The following SGCD variants were observed in gnomAD, a reference collection of about 807,000 sequenced individuals.
SGCD encodes sarcoglycan delta, also known as delta-sarcoglycan.
In SGCD, 18 loss-of-function variants were observed where a neutral mutation model predicts 36.6. The ratio of observed to expected loss-of-function variants is 0.49; its 90% CI spans 0.34 to 0.73. The LOEUF (loss-of-function observed/expected upper bound fraction) is 0.73, where lower values mean the gene tolerates loss of function less well. Ranked by LOEUF, SGCD falls within the 30% of genes least tolerant of loss-of-function variation. The pLI is 0.01. For synonymous variants in SGCD, 133 were observed against 130.6 expected (o/e 1.02, Z -0.12); for missense variants, 387 against 346.7 (o/e 1.12, Z -0.92).
At chr5:156,201,333 T>C (rs749419854) in intron 3 of SGCD, among the ~76,000 whole-genome samples, 58 of 152,314 alleles carry the variant, frequency 3.8e-4, no homozygotes, top group Non-Finnish European at 7.6e-4. Flanking sequence ...ACAGTATGTT[T>C]GATATTTTGA....
chr5:155,920,056 C>T (rs952415309), intron 1 of SGCD, among the ~76,000 whole-genome samples: 1 of 152,080 alleles, frequency 6.6e-6, no homozygotes, highest in African/African-American at 2.4e-5. Context: ...ACCCTAGATG[C>T]GATTATTCTT....
At position 155,891,558 on chromosome 5, in the gene SGCD, C is replaced by CTTTTTTTTTTTTTTTTTTTTTTTTTTT. The variant is rs372399423; in HGVS notation, c.-282+21153_-282+21154insTTTTTTTTTTTTTTTTTTTTTTTTTTT. On this transcript the variant is annotated intron_variant, in intron 1 of 9. Transcript: ENST00000517913. ...CAAATTCCAGAGAAAAATAAATACT[C>CTTTTTTTTTTTTTTTTTTTTTTTTTTT]TTTTTTTTTTTTTTTTTTTGGTGAC... Among the ~76,000 whole-genome samples the CTTTTTTTTTTTTTTTTTTTTTTTTTTT allele has an allele frequency of 3.0e-4, 18 of 60,774 alleles. 1 individual carries two copies. Among genetic ancestry groups the CTTTTTTTTTTTTTTTTTTTTTTTTTTT allele is most frequent in the South Asian group, 6.6e-4 (1 of 1,520 alleles). The allele number at this position is 60,774 out of a possible 152,430, so 39.9% of individuals were successfully genotyped here.
intron 3 of SGCD, among the ~76,000 whole-genome samples, chr5:156,319,258 G>A (rs1283565468): frequency 6.6e-6 from 1 of 152,130 alleles, no homozygotes; most frequent in Non-Finnish European, 1.5e-5. Context: ...AAGCCTTGGG[G>A]AAAATCCCTT....
At chr5:155,965,955 T>C (rs1757893853) in intron 1 of SGCD, among the ~76,000 whole-genome samples, 1 of 152,116 alleles carries the variant, frequency 6.6e-6, no homozygotes, top group Non-Finnish European at 1.5e-5. Context: ...ATATGGGTTG[T>C]AGGACTTGAG....
At chr5:156,635,307 G>C (rs988769078) in intron 6 of SGCD, among the ~76,000 whole-genome samples, 5 of 152,166 alleles carry the variant, frequency 3.3e-5, no homozygotes, top group Non-Finnish European at 7.4e-5. Context: ...CTGGCCATCA[G>C]AGAAATGCAA....
chr5:156,156,827 G>A (rs1308344916), intron 3 of SGCD, among the ~76,000 whole-genome samples: 1 of 151,466 alleles, frequency 6.6e-6, no homozygotes, highest in East Asian at 1.9e-4. Flanking sequence ...AAATTCTAGT[G>A]TAGGCATTCT....
chr5:156,117,643 G>A (rs562017586), intron 1 of SGCD, among the ~76,000 whole-genome samples: 2 of 152,208 alleles, frequency 1.3e-5, no homozygotes, highest in African/African-American at 4.8e-5. Context: ...AGAACTCTTT[G>A]AGATAGATAT....
chr5:156,467,040 A>C (rs1233821843), intron 3 of SGCD, among the ~76,000 whole-genome samples: 2 of 152,116 alleles, frequency 1.3e-5, no homozygotes, highest in African/African-American at 4.8e-5. Flanking sequence ...TAGGCTTTGC[A>C]GGCCAGATGG....
At chr5:156,474,012 G>T (rs1444981415) in intron 3 of SGCD, among the ~76,000 whole-genome samples, 3 of 151,156 alleles carry the variant, frequency 2.0e-5, no homozygotes, top group Admixed American at 6.6e-5. Flanking sequence ...TTTCAGGAAA[G>T]GATCCTAAAT....
rs147521804 is a variant in SGCD, at chr5:156,496,945, C to A, written c.193-11656C>A. On this transcript the variant is annotated intron_variant, in intron 3 of 8. Coordinates refer to ENST00000337851, the MANE Select transcript of SGCD (RefSeq NM_000337.6). ...GTGTTGTCTGTTACTGTAGTATATC[C>A]CAACTTCTTTTGACTGAGCAGCATG... Among the ~76,000 whole-genome samples the A allele has an allele frequency of 9.2e-5, 14 of 152,196 alleles. No homozygotes were observed. In the East Asian group the frequency reaches 2.5e-3, roughly 27 times the overall value.
chr5:156,074,880 G>A (rs758994977), intron 1 of SGCD, among the ~76,000 whole-genome samples: 9 of 152,122 alleles, frequency 5.9e-5, no homozygotes, highest in Non-Finnish European at 1.3e-4. Flanking sequence ...TATTCATGAA[G>A]AAATAGGTCA....
intron 3 of SGCD, among the ~76,000 whole-genome samples, chr5:156,278,374 A>G (rs767062974): frequency 6.6e-6 from 1 of 152,192 alleles, no homozygotes; most frequent in Non-Finnish European, 1.5e-5. Context: ...TCTTGCCTGC[A>G]CTGATTGAAG....
chr5:156,323,951 G>A (rs1194442986), upstream of SGCD, among the ~76,000 whole-genome samples: 1 of 152,202 alleles, frequency 6.6e-6, no homozygotes, highest in East Asian at 1.9e-4. Context: ...TGTGTGCCAT[G>A]CATTTCGCTA....
intron 1 of SGCD, among the ~76,000 whole-genome samples, chr5:156,031,342 C>A (rs1394977885): frequency 1.3e-5 from 2 of 152,092 alleles, no homozygotes; most frequent in African/African-American, 4.8e-5. Context: ...GGCCTAGAAA[C>A]CCTTTGGAAT....
chr5:155,986,506 G>A (rs1280279739), intron 1 of SGCD, among the ~76,000 whole-genome samples: 1 of 152,260 alleles, frequency 6.6e-6, no homozygotes, highest in Admixed American at 6.5e-5. Context: ...ATGGCATCAG[G>A]CTCCTCAGAG....
At chr5:155,899,705 C>T (rs1181906676) in intron 1 of SGCD, among the ~76,000 whole-genome samples, 2 of 152,046 alleles carry the variant, frequency 1.3e-5, no homozygotes, top group Non-Finnish European at 2.9e-5. Context: ...TTATGATTTG[C>T]TTTATGGAGG....
At chr5:156,675,936 A>G (rs749699339) in intron 7 of SGCD, among the ~76,000 whole-genome samples, 2 of 152,190 alleles carry the variant, frequency 1.3e-5, no homozygotes, top group Non-Finnish European at 2.9e-5. Flanking sequence ...CAGACCAAGC[A>G]GAAAATCTCA....
chr5:156,400,749 T>C (rs1486490349), intron 3 of SGCD, among the ~76,000 whole-genome samples: 1 of 152,242 alleles, frequency 6.6e-6, no homozygotes, highest in Non-Finnish European at 1.5e-5. Context: ...TTTTTACTTC[T>C]TGGACTCTCC....
At chr5:156,206,591 G>A (rs1764283969) in intron 3 of SGCD, among the ~76,000 whole-genome samples, 1 of 152,016 alleles carries the variant, frequency 6.6e-6, no homozygotes, top group African/African-American at 2.4e-5. Context: ...ATTAATACAA[G>A]ACCAGTGTGG....
Sources: gnomAD v4.1 joint callset for allele counts (sites outside exome capture counted in the v4.1 genomes callset) on GRCh38, gnomAD v4.1.1 for gene constraint, MANE v1.5 for transcripts, NCBI Gene and HGNC (gene_info 2026-07-23, HGNC 2026-07-21) for gene names.